Variants in SOD2 observed in about 807,000 individuals in gnomAD.
SOD2 encodes the protein superoxide dismutase 2.
SOD2 carries 11 observed loss-of-function variants against 27.0 expected under a neutral mutation model. That is an observed-to-expected ratio of 0.41 (90% CI 0.26 to 0.67). The LOEUF (loss-of-function observed/expected upper bound fraction) is 0.67. Ranked by LOEUF, SOD2 falls within the 30% of genes least tolerant of loss-of-function variation. SOD2 has a pLI of 0.34. For missense variants in SOD2, 250 were observed against 274.5 expected (o/e 0.91, Z 0.63); for synonymous variants, 105 against 103.0 (o/e 1.02, Z -0.12).
At chr6:159,705,952 G>A (rs1041995959) in intron 1 of SOD2, among the ~76,000 whole-genome samples, 1 of 152,160 alleles carries the variant, frequency 6.6e-6, no homozygotes, top group Admixed American at 6.6e-5. Flanking sequence ...AAGAGAGTGG[G>A]GGCCAATATT....
chr6:159,732,008 A>G (rs1211424273), upstream of SOD2, among the ~76,000 whole-genome samples: 1 of 152,214 alleles, frequency 6.6e-6, no homozygotes, highest in Non-Finnish European at 1.5e-5. Context: ...GGAAAGTATC[A>G]GGTTGTAGAA....
intron 1 of SOD2, among the ~76,000 whole-genome samples, chr6:159,723,587 ACT>A (rs1562443624): frequency 6.6e-6 from 1 of 152,186 alleles, no homozygotes; most frequent in Non-Finnish European, 1.5e-5. Context: ...AGATGTGCTC[ACT>A]GTTACTGTAG....
rs1429837310 is a variant in SOD2 at position 159,681,881 on chromosome 6, A to C, written c.*612T>G. On this transcript the variant is annotated 3_prime_UTR_variant, in exon 5 of 5. Coordinates refer to ENST00000538183, the MANE Select transcript of SOD2 (RefSeq NM_000636.4). ...CCTACTGCAAAAACCACCTTTTTGC[A>C]GTTTTGCTGTTGAAGTTTGCCTTTA... is the stretch of plus-strand genomic sequence containing the variant. The C allele has an allele frequency of 6.6e-6, 1 of 152,200 alleles. No individual in the cohort carries two copies. Among genetic ancestry groups the C allele is most frequent in the Non-Finnish European group, 1.5e-5 (1 of 68,042 alleles). The allele number at this position is 152,200 out of a possible 1,614,324, so 9.4% of individuals were successfully genotyped here.
intron 1 of SOD2, among the ~76,000 whole-genome samples, chr6:159,712,320 C>A (rs879111841): frequency 2.7e-4 from 32 of 119,536 alleles, no homozygotes; most frequent in Admixed American, 6.0e-4. Flanking sequence ...ACCACTCACA[C>A]TGCTCTGATC....
chr6:159,714,147 C>T (rs1365703598), intron 1 of SOD2, among the ~76,000 whole-genome samples: 2 of 152,190 alleles, frequency 1.3e-5, no homozygotes, highest in East Asian at 3.8e-4. Context: ...CCGGCTTTAC[C>T]TCTAATCTCT....
In SOD2 at chr6:159,671,531, CCTGA is replaced by C. The variant is rs1336234267; in HGVS notation, c.*10958_*10961del. 2 of 152,402 alleles carry C rather than the reference CCTGA, an allele frequency of 1.3e-5. No homozygotes were observed. The highest frequency in any genetic ancestry group is 2.9e-5 in the Non-Finnish European group (2 of 68,214). The allele number at this position is 152,402 out of a possible 1,614,324, so 9.4% of individuals were successfully genotyped here. A position where few individuals can be genotyped will look rare whatever the true frequency, so the allele number is the denominator to read the frequency against. ...CTCCAACAGACCTGCAGCTGGCGGT[CCTGA>C]CTGTTAGAAGGAAAACTAACAAACA... On this transcript the variant is annotated 3_prime_UTR_variant, in exon 5 of 5. Transcript: ENST00000538183.
chr6:159,743,785 A>T, intron 1 of SOD2: 1 of 1,608,832 alleles, frequency 6.2e-7, no homozygotes, highest in Non-Finnish European at 8.5e-7. Flanking sequence ...GAGATGCAAG[A>T]GTGTACTGTA....
chr6:159,728,096 A>G (rs771078734), upstream of SOD2, among the ~76,000 whole-genome samples: 27 of 152,252 alleles, frequency 1.8e-4, 1 homozygote, highest in Non-Finnish European at 3.1e-4. Context: ...TCAGCAAGGA[A>G]AAAAAGAAAC....
intron 1 of SOD2, among the ~76,000 whole-genome samples, chr6:159,720,898 C>A (rs1312341993): frequency 1.7e-5 from 2 of 118,724 alleles, no homozygotes; most frequent in Non-Finnish European, 3.3e-5. Context: ...GTTGTGTCGC[C>A]CAGGCTGTAG....
intron 1 of SOD2, chr6:159,727,005 C>G: frequency 7.9e-7 from 1 of 1,262,734 alleles, no homozygotes; most frequent in Non-Finnish European, 1.0e-6. Flanking sequence ...CAGATCCCTC[C>G]GCACGAGGCA....
upstream of SOD2, among the ~76,000 whole-genome samples, chr6:159,747,781 G>A (rs536771895): frequency 7.2e-5 from 11 of 152,156 alleles, no homozygotes; most frequent in East Asian, 1.9e-3. Context: ...GTTGATTTTC[G>A]TTTGTTTTTT....
At chr6:159,754,499 A>AT (rs1430097308) in intron 1 of SOD2, among the ~76,000 whole-genome samples, 2 of 152,182 alleles carry the variant, frequency 1.3e-5, no homozygotes, top group African/African-American at 4.8e-5. Context: ...GATCAAAACA[A>AT]TTTTAACTTG....
chr6:159,694,200 G>C (rs1777372264), upstream of SOD2, among the ~76,000 whole-genome samples: 2 of 152,198 alleles, frequency 1.3e-5, no homozygotes, highest in Non-Finnish European at 2.9e-5. Context: ...GCGCTGTCTT[G>C]TAGCCTAGTA....
At position 159,674,932 on chromosome 6, in the gene SOD2, A is replaced by G. The variant is rs1779743140; in HGVS notation, c.*7561T>C. On this transcript the variant is annotated 3_prime_UTR_variant, in exon 5 of 5. Coordinates refer to ENST00000538183, the MANE Select transcript of SOD2 (RefSeq NM_000636.4). The stretch of plus-strand genomic sequence containing the variant: ...TACAAAATCAATGTGCAAAAATCAC[A>G]AGCATTCTTATACACCAACAACAGA... 2.0e-5 allele frequency: 3 copies of G among 152,230 alleles called. No homozygotes were observed. The highest frequency in any genetic ancestry group is 1.3e-4 in the Admixed American group (2 of 15,286). The allele number at this position is 152,230 out of a possible 1,614,324, so 9.4% of individuals were successfully genotyped here.
intron 3 of SOD2, 119 bp downstream of exon 3, chr6:159,688,007 T>A (rs1399633585): frequency 1.4e-6 from 1 of 689,972 alleles, no homozygotes; most frequent in Non-Finnish European, 2.6e-6. Flanking sequence ...GCAAAACTCT[T>A]GTCTCAAAAA....
At chr6:159,697,078 C>CAG (rs35015595), upstream of SOD2, among the ~76,000 whole-genome samples, 1 of 150,982 alleles carries the variant, frequency 6.6e-6, no homozygotes, top group Non-Finnish European at 1.5e-5. Context: ...CACACACACA[C>CAG]ACGCAGTCAG....
At position 159,682,182 on chromosome 6, in the gene SOD2, T is replaced by C. The variant is rs1033870616; in HGVS notation, c.*311A>G. 1 of 184,078 alleles carries C rather than the reference T, an allele frequency of 5.4e-6. No individual in the cohort carries two copies. Among genetic ancestry groups the C allele is most frequent in the Non-Finnish European group, 1.1e-5 (1 of 89,314 alleles). 11.4% of individuals were successfully genotyped at this position (184,078 alleles called of 1,614,324 possible). On this transcript the variant is annotated 3_prime_UTR_variant, in exon 5 of 5. Coordinates refer to ENST00000538183, the MANE Select transcript of SOD2 (RefSeq NM_000636.4). Reference sequence around the variant, plus strand: ...GCAATAGAATAGGACTAGAAAGGCATCCCTACAAGTCCCCAAAGTATATGG... The same window carrying C: ...GCAATAGAATAGGACTAGAAAGGCACCCCTACAAGTCCCCAAAGTATATGG...
rs1231700562 is a variant in SOD2 at position 159,673,811 on chromosome 6, T to C, written c.*8682A>G. Reference sequence around the variant, plus strand: ...TCAAAAAATGAATGAATCCAGGAGCTGGTTTTTTGAAAAGATAAACACAAT... The same window carrying C: ...TCAAAAAATGAATGAATCCAGGAGCCGGTTTTTTGAAAAGATAAACACAAT... On this transcript the variant is annotated 3_prime_UTR_variant, in exon 5 of 5. Transcript: ENST00000538183. The C allele has an allele frequency of 1.3e-5, 2 of 152,172 alleles. No homozygotes were observed. The highest frequency in any genetic ancestry group is 2.9e-5 in the Non-Finnish European group (2 of 68,034). 9.4% of individuals were successfully genotyped at this position (152,172 alleles called of 1,614,324 possible).
intron 1 of SOD2, among the ~76,000 whole-genome samples, chr6:159,750,994 T>C (rs1779799240): frequency 6.6e-6 from 1 of 152,280 alleles, no homozygotes; most frequent in Admixed American, 6.5e-5. Flanking sequence ...AGTTAAAATA[T>C]TTCATTCATG....
Sources: gnomAD v4.1 joint callset for allele counts (sites outside exome capture counted in the v4.1 genomes callset) on GRCh38, gnomAD v4.1.1 for gene constraint, MANE v1.5 for transcripts, NCBI Gene and HGNC (gene_info 2026-07-23, HGNC 2026-07-21) for gene names.